Variants in NBPF10 observed in about 807,000 individuals in gnomAD.
NBPF10 encodes the protein NBPF family member NBPF10.
A neutral mutation model predicts 77.9 loss-of-function variants in NBPF10; 63 were observed. That is an observed-to-expected ratio of 0.81 (90% CI 0.66 to 1.00). The LOEUF (loss-of-function observed/expected upper bound fraction) is 1.00, where lower values mean the gene tolerates loss of function less well. Ranked by LOEUF, NBPF10 falls within the 50% of genes least tolerant of loss-of-function variation. NBPF10 has a pLI of 0.00. For synonymous variants in NBPF10, 146 were observed against 264.5 expected, an observed-to-expected ratio of 0.55 and a Z score of 4.35; for missense variants, 522 against 679.8, an observed-to-expected ratio of 0.77 and a Z score of 2.58.
chr1:146,073,135 G>A lies in NBPF10; in HGVS notation c.10131-234C>T, dbSNP rs1159774368. On this transcript the variant is annotated intron_variant, in intron 81 of 89. Transcript: ENST00000583866. Reference sequence around the variant, plus strand: ...AGAGGGAGGAGAAAGTGAGCTCAGCGAATTGGCCGGGTGACACACTGATGA... The same window carrying A: ...AGAGGGAGGAGAAAGTGAGCTCAGCAAATTGGCCGGGTGACACACTGATGA... Among the ~76,000 whole-genome samples the A allele has an allele frequency of 7.0e-5, 5 of 71,740 alleles. 1 individual carries two copies. Among genetic ancestry groups the A allele is most frequent in the Non-Finnish European group, 1.3e-4 (5 of 39,198 alleles). The allele number at this position is 71,740 out of a possible 152,430, so 47.1% of individuals were successfully genotyped here.
chr1:146,066,585 G>C (rs781831171), intron 89 of NBPF10, 24 bp from the exon 90 acceptor site: 4 of 620,984 alleles, frequency 6.4e-6, no homozygotes, highest in East Asian at 2.8e-5. Context: ...CAAAACTAAA[G>C]AAGCAGCCAG....
chr1:146,121,918 G>T (rs1392419046), intron 19 of NBPF10, among the ~76,000 whole-genome samples: 2 of 146,892 alleles, frequency 1.4e-5, no homozygotes, highest in East Asian at 4.2e-4. Flanking sequence ...TAGTGAATTG[G>T]CCAGGTGACA....
chr1:146,125,746 T>A (rs3928835), intron 14 of NBPF10, among the ~76,000 whole-genome samples: 1 of 139,662 alleles, frequency 7.2e-6, no homozygotes, highest in Non-Finnish European at 1.5e-5. Context: ...TATCCAAATA[T>A]CATTTGTCCC....
At chr1:146,126,247 A>G (rs1210720581) in exon 14 of NBPF10, 9 of 1,607,956 alleles carry the variant, frequency 5.6e-6, no homozygotes, top group Non-Finnish European at 7.6e-6. Flanking sequence ...ATCCATGTCA[A>G]TAGCCAAGCC....
chr1:146,139,409 G>A (rs1261210207), intron 5 of NBPF10, among the ~76,000 whole-genome samples: 2 of 151,602 alleles, frequency 1.3e-5, no homozygotes, highest in East Asian at 1.9e-4. Context: ...GCGCCCAGCC[G>A]AGACTTATTA....
intron 11 of NBPF10, among the ~76,000 whole-genome samples, chr1:146,129,484 T>G (rs1257371562): frequency 7.3e-6 from 1 of 137,768 alleles, no homozygotes; most frequent in South Asian, 2.3e-4. Flanking sequence ...CCAATAAATA[T>G]GGGACTATGT....
intron 85 of NBPF10, among the ~76,000 whole-genome samples, 190 bp from the exon 86 acceptor site, chr1:146,069,905 CAGACAG>C (rs1180044771): frequency 2.2e-4 from 24 of 110,770 alleles, no homozygotes; most frequent in East Asian, 4.4e-4. Flanking sequence ...AAGAGAAAGA[CAGACAG>C]AGACAGAGAC....
In NBPF10 at chr1:146,069,329, C is replaced by T. The variant is rs1368179019; in HGVS notation, c.10810+214G>A. Among the ~76,000 whole-genome samples, 354 of 91,438 alleles carry T rather than the reference C, an allele frequency of 3.9e-3. 17 individuals are homozygous for T. Among genetic ancestry groups the T allele is most frequent in the African/African-American group, 4.8e-3 (94 of 19,774 alleles). 60.0% of individuals were successfully genotyped at this position (91,438 alleles called of 152,430 possible). ...GAGAGTAGGATTAGGGCGCCACAGG[C>T]ATGGCCTGAGACTAGGAAGAGAGCC... On this transcript the variant is annotated intron_variant, in intron 86 of 89. Transcript: ENST00000583866.
chr1:146,125,696 C>T (rs1207540035), intron 14 of NBPF10, among the ~76,000 whole-genome samples, 180 bp from the exon 15 acceptor site: 1 of 130,304 alleles, frequency 7.7e-6, no homozygotes, highest in Non-Finnish European at 1.6e-5. Context: ...GGTTTTTGTC[C>T]CAGAAACTGT....
intron 71 of NBPF10, among the ~76,000 whole-genome samples, chr1:146,081,038 G>C (rs1446178073): frequency 1.5e-5 from 1 of 68,716 alleles, no homozygotes; most frequent in Admixed American, 1.5e-4. Flanking sequence ...CACAGAGAGA[G>C]AGAGAGAGAA....
At chr1:146,126,446 G>C (rs1249544522) in intron 13 of NBPF10, 38 bp from the exon 14 acceptor site, 1 of 880,176 alleles carries the variant, frequency 1.1e-6, no homozygotes, top group Non-Finnish European at 1.9e-6. Flanking sequence ...AAGCCAGGGG[G>C]AATCAGAAAC....
At chr1:146,081,030 C>CTGAGAG (rs1656266521) in intron 71 of NBPF10, among the ~76,000 whole-genome samples, 8 of 35,472 alleles carry the variant, frequency 2.3e-4, no homozygotes, top group Admixed American at 6.6e-4. Context: ...CACACACACA[C>CTGAGAG]AGAGAGAGAG....
At chr1:146,143,992 C>T (rs1455030728) in intron 1 of NBPF10, among the ~76,000 whole-genome samples, 1 of 150,662 alleles carries the variant, frequency 6.6e-6, no homozygotes, top group East Asian at 2.0e-4. Flanking sequence ...TCGTGCTCTG[C>T]CCGCCTCAGC....
rs371240581 is a variant in NBPF10 at position 146,134,241 on chromosome 1, T to A, written c.1331A>T (p.Asp444Val). 368 of 1,599,434 alleles carry A rather than the reference T, an allele frequency of 2.3e-4. 8 individuals carry two copies. The African/African-American group carries it at 4.6e-3, about 20-fold the overall frequency. Residue 444 changes from aspartate to valine, a missense_variant, in exon 9 of 90, where the codon GAT (aspartate) becomes GTT (valine). By Grantham distance (152) the Asp-to-Val change is radical. Coordinates refer to ENST00000583866, the Ensembl canonical transcript of NBPF10. ...TTTCTCAGCCACCTCAACTTGAACA[T>A]CTTCATCGTCATCGTTGTCATTTTC...
intron 7 of NBPF10, 53 bp downstream of exon 7, chr1:146,136,300 C>T (rs1174516717): frequency 6.7e-6 from 6 of 892,000 alleles, no homozygotes; most frequent in East Asian, 4.9e-5. Flanking sequence ...AGCTGCTGTA[C>T]TTCAGAGATT....
intron 19 of NBPF10, among the ~76,000 whole-genome samples, 184 bp from the exon 20 acceptor site, chr1:146,121,854 G>C (rs1399380610): frequency 1.4e-5 from 2 of 146,092 alleles, no homozygotes; most frequent in African/African-American, 5.3e-5. Flanking sequence ...CAATGAAAGA[G>C]AAAGACAGAG....
chr1:146,109,352 A>G (rs1408816273), intron 35 of NBPF10, among the ~76,000 whole-genome samples: 2 of 74,028 alleles, frequency 2.7e-5, no homozygotes, highest in Admixed American at 1.6e-4. Context: ...ACACAGAGAG[A>G]GAGAGAGAGA....
rs1553797845 is a variant in NBPF10 at position 146,142,583 on chromosome 1, G to A, written c.278+67C>T. 37 of 806,720 alleles carry A rather than the reference G, an allele frequency of 4.6e-5. 5 individuals are homozygous for A. The highest frequency in any genetic ancestry group is 5.7e-5 in the Non-Finnish European group (29 of 508,160). The allele number at this position is 806,720 out of a possible 1,614,324, so 50.0% of individuals were successfully genotyped here. ...CCCAGCTTCGTTCTTACTTCTCCCC[G>A]CCGAGCTGCTGTACTTCAGAGATCT... On this transcript the variant is annotated intron_variant, in intron 2 of 89. Transcript: ENST00000583866.
chr1:146,126,477 T>A (rs1658681138), intron 13 of NBPF10, 69 bp from the exon 14 acceptor site: 11 of 755,666 alleles, frequency 1.5e-5, no homozygotes, highest in South Asian at 1.1e-4. Context: ...CAGCTAGATT[T>A]CATGGCTAAC....
Sources: allele counts gnomAD v4.1 joint callset (sites outside exome capture counted in the v4.1 genomes callset), GRCh38; gene constraint gnomAD v4.1.1; transcripts MANE v1.5; gene names NCBI Gene and HGNC (gene_info 2026-07-23, HGNC 2026-07-21).